PDZD2: variants seen among roughly 807,000 people sequenced by gnomAD.
PDZD2 encodes the protein PDZ domain containing 2, also known as PDZ domain-containing protein 2.
A neutral mutation model predicts 220.7 loss-of-function variants in PDZD2; 90 were observed. The ratio of observed to expected loss-of-function variants is 0.41; its 90% CI spans 0.34 to 0.49. PDZD2 has a LOEUF of 0.49. Among genes scored for constraint, PDZD2 ranks in the 20% least tolerant of loss-of-function variants. The pLI is 0.28. For missense variants in PDZD2, 3,174 were observed against 3,608.5 expected, an observed-to-expected ratio of 0.88 and a Z score of 3.08; for synonymous variants, 1,375 against 1,450.5, an observed-to-expected ratio of 0.95 and a Z score of 1.18.
chr5:31,667,652 G>A (rs1213613659), intron 1 of PDZD2, among the ~76,000 whole-genome samples: 1 of 151,742 alleles, frequency 6.6e-6, no homozygotes, highest in Non-Finnish European at 1.5e-5. Context: ...CAGTGCCCAC[G>A]GTGATGGAAT....
chr5:32,017,246 G>A (rs1228662801), intron 6 of PDZD2, among the ~76,000 whole-genome samples: 1 of 152,124 alleles, frequency 6.6e-6, no homozygotes, highest in African/African-American at 2.4e-5. Context: ...AGATCAGCCT[G>A]GCCAATACGG....
At chr5:32,018,222 G>A (rs1753922318) in intron 6 of PDZD2, among the ~76,000 whole-genome samples, 1 of 152,200 alleles carries the variant, frequency 6.6e-6, no homozygotes, top group Admixed American at 6.5e-5. Context: ...TCCTTGGCAG[G>A]TCTGAGTGGA....
intron 2 of PDZD2, among the ~76,000 whole-genome samples, chr5:31,905,044 C>G (rs1164394195): frequency 2.0e-5 from 3 of 152,152 alleles, no homozygotes; most frequent in South Asian, 4.1e-4. Flanking sequence ...TCTTAGCCCA[C>G]TGCAACCTCC....
intron 2 of PDZD2, among the ~76,000 whole-genome samples, chr5:31,872,142 G>GTGGTGTGTGTGTGTGTGT (rs59514107): frequency 1.4e-5 from 2 of 147,778 alleles, no homozygotes; most frequent in African/African-American, 5.0e-5. Context: ...TAAGGTGAGT[G>GTGGTGTGTGTGTGTGTGT]GTGTGTGTGT....
chr5:32,061,256 G>C (rs1024784689), intron 14 of PDZD2, 122 bp downstream of exon 14: 5 of 780,298 alleles, frequency 6.4e-6, no homozygotes, highest in Non-Finnish European at 1.0e-5. Flanking sequence ...GGTGGTTCAT[G>C]TGGGAAATGA....
intron 2 of PDZD2, among the ~76,000 whole-genome samples, chr5:31,896,217 A>G (rs1741539048): frequency 6.6e-6 from 1 of 152,116 alleles, no homozygotes; most frequent in Admixed American, 6.6e-5. Context: ...GAGGTGGGGT[A>G]GAGACTTGAG....
chr5:32,034,021 C>T (rs745409098), intron 6 of PDZD2, among the ~76,000 whole-genome samples: 3 of 152,188 alleles, frequency 2.0e-5, no homozygotes, highest in Admixed American at 6.5e-5. Context: ...AGAAACCTTT[C>T]AGGCAGGCTC....
chr5:31,831,911 CAAAAAAAAA>C (rs56394577), intron 2 of PDZD2, among the ~76,000 whole-genome samples: 15 of 63,738 alleles, frequency 2.4e-4, no homozygotes, highest in South Asian at 7.8e-4. Context: ...GAGACTGTTT[CAAAAAAAAA>C]AAAAAAAAAA....
rs77267414 is a variant in PDZD2 at position 31,654,663 on chromosome 5, A to G, written c.-361+15226A>G. 8.9e-3 allele frequency among the ~76,000 whole-genome samples: 1,356 copies of G among 152,198 alleles called. 22 individuals carry two copies. The highest frequency in any genetic ancestry group is 0.03 in the African/African-American group (1,258 of 41,526). On this transcript the variant is annotated intron_variant, in intron 1 of 24. Coordinates refer to ENST00000438447, the MANE Select transcript of PDZD2 (RefSeq NM_178140.4). ...ATCTCTTGTTCGCTCTTTAAAAATCATTCTTTAGAATACAGGCATTGCTCC... is the reference window on the plus strand; with the variant it reads ...ATCTCTTGTTCGCTCTTTAAAAATCGTTCTTTAGAATACAGGCATTGCTCC...
At chr5:31,876,681 T>G (rs1422245316) in intron 2 of PDZD2, among the ~76,000 whole-genome samples, 1 of 152,230 alleles carries the variant, frequency 6.6e-6, no homozygotes, top group Non-Finnish European at 1.5e-5. Flanking sequence ...TGTAATCAAC[T>G]GTCTGCAGGT....
chr5:31,826,510 T>C (rs1202643065), intron 2 of PDZD2, among the ~76,000 whole-genome samples: 1 of 151,804 alleles, frequency 6.6e-6, no homozygotes, highest in Non-Finnish European at 1.5e-5. Flanking sequence ...CTGTCTCTAC[T>C]AAAAATACAA....
chr5:31,780,318 G>T (rs1273379685), intron 1 of PDZD2, among the ~76,000 whole-genome samples: 1 of 150,286 alleles, frequency 6.7e-6, no homozygotes, highest in Non-Finnish European at 1.5e-5. Context: ...TGCCGGGGGG[G>T]CTTCAGCCTC....
chr5:31,865,853 G>A (rs538228005), intron 2 of PDZD2, among the ~76,000 whole-genome samples: 13 of 150,576 alleles, frequency 8.6e-5, no homozygotes, highest in South Asian at 4.2e-4. Flanking sequence ...GGATGGTCTC[G>A]ATCTCCTGAC....
intron 2 of PDZD2, among the ~76,000 whole-genome samples, chr5:31,880,791 C>CTTTTTTTTTTTTTTTT (rs1037018187): frequency 3.3e-4 from 25 of 76,472 alleles, no homozygotes; most frequent in Non-Finnish European, 5.4e-4. Flanking sequence ...TTTTTTTTTT[C>CTTTTTTTTTTTTTTTT]TTTTTTTTTT....
chr5:31,745,330 C>T (rs1327458762), intron 1 of PDZD2, among the ~76,000 whole-genome samples: 1 of 152,152 alleles, frequency 6.6e-6, no homozygotes, highest in South Asian at 2.1e-4. Flanking sequence ...TGTGTGGGTA[C>T]GTGTGTGTAG....
At chr5:32,080,007 A>G (rs572775198) in intron 19 of PDZD2, among the ~76,000 whole-genome samples, 8 of 152,224 alleles carry the variant, frequency 5.3e-5, no homozygotes, top group African/African-American at 1.7e-4. Flanking sequence ...AAACACTAAC[A>G]AGCATTTTTT....
intron 1 of PDZD2, among the ~76,000 whole-genome samples, chr5:31,731,733 G>A (rs1170168582): frequency 1.3e-5 from 2 of 152,162 alleles, no homozygotes; most frequent in Admixed American, 1.3e-4. Context: ...CACATTTTGT[G>A]TATCCATTCA....
chr5:32,023,382 C>T (rs943651319), intron 6 of PDZD2, among the ~76,000 whole-genome samples: 3 of 152,154 alleles, frequency 2.0e-5, no homozygotes, highest in Admixed American at 6.5e-5. Flanking sequence ...CCACCACCAA[C>T]AACCCAAAAG....
At chr5:31,814,125 A>G (rs1418591958) in intron 2 of PDZD2, among the ~76,000 whole-genome samples, 1 of 152,256 alleles carries the variant, frequency 6.6e-6, no homozygotes, top group East Asian at 1.9e-4. Context: ...GGTACCAGAA[A>G]AGATGTATTT....
Sources: gnomAD v4.1 joint callset for allele counts (sites outside exome capture counted in the v4.1 genomes callset) on GRCh38, gnomAD v4.1.1 for gene constraint, MANE v1.5 for transcripts, NCBI Gene and HGNC (gene_info 2026-07-23, HGNC 2026-07-21) for gene names.